Variants in GRIK4 observed in about 807,000 individuals in gnomAD.
GRIK4 encodes glutamate ionotropic receptor kainate type subunit 4.
A neutral mutation model predicts 104.9 loss-of-function variants in GRIK4; 40 were observed. The ratio of observed to expected loss-of-function variants is 0.38; its 90% CI spans 0.30 to 0.50. GRIK4 has a LOEUF of 0.50. GRIK4 is among the 20% of genes least tolerant of loss of function. The pLI is 0.93. For missense variants in GRIK4, 1,047 were observed against 1,308.1 expected (o/e 0.80, Z 3.08); for synonymous variants, 485 against 524.9 (o/e 0.92, Z 1.04).
intron 1 of GRIK4, among the ~76,000 whole-genome samples, chr11:120,641,705 G>A (rs140131479): frequency 1.6e-3 from 246 of 152,276 alleles, no homozygotes; most frequent in Middle Eastern, 6.8e-3. Context: ...TCTTGGTTTT[G>A]GTGAGTTTTG....
At chr11:120,897,284 C>T (rs982329568) in intron 11 of GRIK4, among the ~76,000 whole-genome samples, 1 of 151,700 alleles carries the variant, frequency 6.6e-6, no homozygotes, top group East Asian at 1.9e-4. Context: ...ACCTGGAGTT[C>T]TTTGAGACAA....
intron 3 of GRIK4, among the ~76,000 whole-genome samples, chr11:120,681,461 CCTT>C (rs1166274496): frequency 6.6e-6 from 1 of 152,198 alleles, no homozygotes; most frequent in Non-Finnish European, 1.5e-5. Context: ...TCCCTCCTGT[CCTT>C]CTCCTCTGCT....
At chr11:120,794,453 C>G (rs555049457) in intron 3 of GRIK4, among the ~76,000 whole-genome samples, 5 of 152,088 alleles carry the variant, frequency 3.3e-5, no homozygotes, top group African/African-American at 7.2e-5. Context: ...AGCCCCACCC[C>G]CTAAGACATC....
intron 11 of GRIK4, among the ~76,000 whole-genome samples, chr11:120,881,869 G>A (rs150543235): frequency 3.3e-5 from 5 of 152,208 alleles, no homozygotes; most frequent in African/African-American, 9.6e-5. Flanking sequence ...ATTTCTTATC[G>A]TGGCCCTGTG....
At chr11:120,962,215 C>T (rs367975550) in intron 17 of GRIK4, among the ~76,000 whole-genome samples, 15 of 152,146 alleles carry the variant, frequency 9.9e-5, no homozygotes, top group African/African-American at 3.1e-4. Context: ...GACCTTAGTG[C>T]GCTGTTGCTT....
At chr11:120,699,221 G>T (rs1950509044) in intron 3 of GRIK4, among the ~76,000 whole-genome samples, 1 of 152,112 alleles carries the variant, frequency 6.6e-6, no homozygotes, top group African/African-American at 2.4e-5. Flanking sequence ...TCTCTTGGTG[G>T]CTCGCGGTCC....
intron 3 of GRIK4, among the ~76,000 whole-genome samples, chr11:120,661,640 G>A (rs910291387): frequency 3.3e-5 from 5 of 152,180 alleles, no homozygotes; most frequent in African/African-American, 1.2e-4. Flanking sequence ...AGAGGTGGGC[G>A]AGCAGCCAAA....
intron 3 of GRIK4, among the ~76,000 whole-genome samples, chr11:120,720,338 T>C (rs556431645): frequency 6.6e-6 from 1 of 152,248 alleles, no homozygotes; most frequent in Non-Finnish European, 1.5e-5. Flanking sequence ...GACTGTTTTC[T>C]GCAGACATCC....
At chr11:120,857,771 C>G (rs1954149884) in intron 8 of GRIK4, among the ~76,000 whole-genome samples, 1 of 152,210 alleles carries the variant, frequency 6.6e-6, no homozygotes, top group Non-Finnish European at 1.5e-5. Context: ...GTTGACCAAA[C>G]AGCTTTTAGG....
chr11:120,768,458 T>C (rs1384154231), intron 3 of GRIK4, among the ~76,000 whole-genome samples: 1 of 152,190 alleles, frequency 6.6e-6, no homozygotes. Flanking sequence ...GTTAAAACTT[T>C]CGAGTTTTCT....
At chr11:120,563,258 A>G (rs1948263569) in intron 1 of GRIK4, among the ~76,000 whole-genome samples, 1 of 152,106 alleles carries the variant, frequency 6.6e-6, no homozygotes, top group Non-Finnish European at 1.5e-5. Context: ...TACATCTCCT[A>G]GGATACTAGC....
intron 3 of GRIK4, among the ~76,000 whole-genome samples, chr11:120,744,549 G>T (rs1055489187): frequency 3.3e-5 from 5 of 152,184 alleles, no homozygotes; most frequent in African/African-American, 9.7e-5. Context: ...GGCAGTCGTG[G>T]TGTCCCAGCA....
intron 19 of GRIK4, among the ~76,000 whole-genome samples, chr11:120,973,107 A>G (rs1944503112): frequency 6.6e-6 from 1 of 152,246 alleles, no homozygotes; most frequent in South Asian, 2.1e-4. Flanking sequence ...TAAACATGAA[A>G]TGACTGAAAA....
At position 120,618,030 on chromosome 11, in the gene GRIK4, A is replaced by G. The variant is rs146125497; in HGVS notation, c.-158-35655A>G. The stretch of plus-strand genomic sequence containing the variant: ...GAGTATGGAGGGCTCAGCAGAAGGC[A>G]GGAAGATTTGGAATTTCCTAGAGAC... On this transcript the variant is annotated intron_variant, in intron 1 of 20. Transcript: ENST00000527524. 3.3e-4 allele frequency among the ~76,000 whole-genome samples: 51 copies of G among 152,340 alleles called. No homozygotes were observed. The East Asian group carries it at 9.6e-3, about 29-fold the overall frequency.
At chr11:120,658,535 A>G (rs1484294435) in intron 2 of GRIK4, among the ~76,000 whole-genome samples, 1 of 152,044 alleles carries the variant, frequency 6.6e-6, no homozygotes, top group Non-Finnish European at 1.5e-5. Context: ...GCTAACACTT[A>G]ATGTTGTCTT....
chr11:120,987,790 T>C lies in GRIK4; in HGVS notation c.*1530T>C, dbSNP rs934089000. The C allele has an allele frequency of 2.0e-5, 3 of 152,264 alleles. No homozygotes were observed. The highest frequency in any genetic ancestry group is 7.2e-5 in the African/African-American group (3 of 41,450). The allele number at this position is 152,264 out of a possible 1,614,324, so 9.4% of individuals were successfully genotyped here. ...GAGGGGCGAGGCTTTCTACAGCTGC[T>C]TGACCTTTGCTTGGCTTCACTAATT... On this transcript the variant is annotated 3_prime_UTR_variant, in exon 21 of 21. Transcript: ENST00000527524.
At chr11:120,924,265 G>A (rs887828070) in intron 13 of GRIK4, among the ~76,000 whole-genome samples, 2 of 152,154 alleles carry the variant, frequency 1.3e-5, no homozygotes, top group African/African-American at 4.8e-5. Context: ...CCAGGCCTGA[G>A]TGTGGCTCCC....
chr11:120,861,984 G>C lies in GRIK4; in HGVS notation c.770G>C (p.Ser257Thr). 1 of 1,613,782 alleles carries C rather than the reference G, an allele frequency of 6.2e-7. No individual in the cohort carries two copies. Among genetic ancestry groups the C allele is most frequent in the Non-Finnish European group, 8.5e-7 (1 of 1,179,632 alleles). Residue 257 changes from serine (S) to threonine (T), a missense_variant, in exon 9 of 21, where the codon AGC becomes ACC. Around this residue, in one of 3 missense-constraint regions of GRIK4, gnomAD observed 447 missense variants for 514.9 expected, o/e 0.87. Transcript: ENST00000527524. Reference sequence around the variant, plus strand: ...GAGTTCTCACTCCAGAGAATGGACAGCCTTGTGGATGATCGTGTCAACATC... The same window carrying C: ...GAGTTCTCACTCCAGAGAATGGACACCCTTGTGGATGATCGTGTCAACATC... Reference protein sequence around the residue: ...NLEFSLQRMDSLVDDRVNILG... With the variant: ...NLEFSLQRMDTLVDDRVNILG...
At chr11:120,862,800 A>G (rs1954297813) in intron 9 of GRIK4, among the ~76,000 whole-genome samples, 1 of 152,114 alleles carries the variant, frequency 6.6e-6, no homozygotes, top group Non-Finnish European at 1.5e-5. Context: ...GCTTGTGTAC[A>G]TTTGTTAAAA....
Sources: allele counts gnomAD v4.1 joint callset (sites outside exome capture counted in the v4.1 genomes callset), GRCh38; gene constraint gnomAD v4.1.1; regional missense constraint gnomAD v4.1.1; transcripts MANE v1.5; gene names NCBI Gene and HGNC (gene_info 2026-07-23, HGNC 2026-07-21).